TIAM1: variants seen among roughly 807,000 people sequenced by gnomAD.
TIAM1 encodes the protein rho guanine nucleotide exchange factor TIAM1.
Under a neutral mutation model 163.5 loss-of-function variants are expected in TIAM1, and 65 were observed. That is an observed-to-expected ratio of 0.40 (90% confidence interval 0.33 to 0.49). The LOEUF (loss-of-function observed/expected upper bound fraction) is 0.49, where lower values mean the gene tolerates loss of function less well. TIAM1 is among the 20% of genes least tolerant of loss of function. The probability of loss-of-function intolerance (pLI) is 0.77; values close to 1 mark genes in which losing one functional copy is unlikely to be tolerated. For synonymous variants in TIAM1, 833 were observed against 810.1 expected (o/e 1.03, Z -0.48); for missense variants, 1,789 against 2,044.7 (o/e 0.87, Z 2.41).
At chr21:31,275,261 C>CT (rs1034416693) in intron 3 of TIAM1, among the ~76,000 whole-genome samples, 9 of 151,814 alleles carry the variant, frequency 5.9e-5, no homozygotes, top group South Asian at 2.1e-4. Context: ...ACAATTATAC[C>CT]TTTTTTTGGT....
At chr21:31,175,995 C>A (rs1430127421) in intron 15 of TIAM1, among the ~76,000 whole-genome samples, 1 of 152,146 alleles carries the variant, frequency 6.6e-6, no homozygotes, top group Non-Finnish European at 1.5e-5. Flanking sequence ...GGTGATAGAG[C>A]TATACCTTTT....
intron 2 of TIAM1, among the ~76,000 whole-genome samples, chr21:31,390,380 C>T (rs748210692): frequency 3.3e-5 from 5 of 152,290 alleles, no homozygotes; most frequent in South Asian, 2.1e-4. Flanking sequence ...CCAGTATACA[C>T]GTTCACTTCA....
At chr21:31,518,534 G>A (rs1321250618) in intron 1 of TIAM1, among the ~76,000 whole-genome samples, 4 of 152,102 alleles carry the variant, frequency 2.6e-5, no homozygotes, top group Non-Finnish European at 4.4e-5. Context: ...TGATCCACCC[G>A]CCTCAGCCTC....
At chr21:31,348,739 T>G (rs1036276772), upstream of TIAM1, among the ~76,000 whole-genome samples, 24 of 152,348 alleles carry the variant, frequency 1.6e-4, no homozygotes, top group African/African-American at 5.1e-4. Context: ...AACACTTGTT[T>G]CAGCCCTGGA....
intron 1 of TIAM1, among the ~76,000 whole-genome samples, chr21:31,550,086 T>G (rs1409299740): frequency 6.6e-6 from 1 of 150,748 alleles, no homozygotes; most frequent in African/African-American, 2.4e-5. Context: ...ATCGTGCCTC[T>G]GCACTCCAGC....
chr21:31,291,778 C>T (rs1601845868), intron 2 of TIAM1, among the ~76,000 whole-genome samples: 1 of 152,348 alleles, frequency 6.6e-6, no homozygotes, highest in Non-Finnish European at 1.5e-5. Context: ...CCGCCTTGGC[C>T]TCCCAAAGTG....
intron 1 of TIAM1, among the ~76,000 whole-genome samples, chr21:31,497,999 T>G (rs2046722474): frequency 6.6e-6 from 1 of 152,218 alleles, no homozygotes; most frequent in Non-Finnish European, 1.5e-5. Context: ...GCTGGTTCTG[T>G]GACTGAATCA....
At chr21:31,125,413 G>T (rs2833284) in intron 26 of TIAM1, among the ~76,000 whole-genome samples, 15,903 of 152,110 alleles carry the variant, frequency 0.1, 1,100 homozygotes, top group Non-Finnish European at 0.16. Flanking sequence ...AGACGGTAAA[G>T]GTGGTGCTCA....
intron 1 of TIAM1, among the ~76,000 whole-genome samples, chr21:31,508,234 T>C (rs2047095994): frequency 6.6e-6 from 1 of 152,182 alleles, no homozygotes; most frequent in South Asian, 2.1e-4. Flanking sequence ...TTTGCATTGC[T>C]TGACGCTTCC....
intron 3 of TIAM1, among the ~76,000 whole-genome samples, chr21:31,273,177 G>A (rs537015110): frequency 2.6e-5 from 4 of 152,296 alleles, no homozygotes; most frequent in South Asian, 2.1e-4. Context: ...TTCTCACCCA[G>A]CCTTATACCA....
At chr21:31,407,629 ATT>A (rs562921160) in intron 2 of TIAM1, among the ~76,000 whole-genome samples, 6 of 94,078 alleles carry the variant, frequency 6.4e-5, no homozygotes, top group Non-Finnish European at 6.1e-5. Flanking sequence ...TTTGCTCTTA[ATT>A]TTTTTTTTTT....
rs138037972 is a variant in TIAM1, at chr21:31,412,253, G to A, written c.-369+51730C>T. 4.4e-3 allele frequency among the ~76,000 whole-genome samples: 664 copies of A among 152,288 alleles called. 4 individuals carry two copies. The highest frequency in any genetic ancestry group is 0.015 in the African/African-American group (631 of 41,568). Reference sequence around the variant, plus strand: ...TACTCATGGCTGTAGAGTGTGGAACGATAGACAACGAAGACTTGAAAGGAT... The same window carrying A: ...TACTCATGGCTGTAGAGTGTGGAACAATAGACAACGAAGACTTGAAAGGAT... On this transcript the variant is annotated intron_variant, in intron 2 of 28. Coordinates refer to the TIAM1 transcript ENST00000286827.
At position 31,130,248 on chromosome 21, in the gene TIAM1, G is replaced by A. The variant is rs372961799; in HGVS notation, c.4010C>T (p.Thr1337Met). 4.2e-5 allele frequency: 68 copies of A among 1,613,986 alleles called. No homozygotes were observed. The highest frequency in any genetic ancestry group is 3.1e-4 in the African/African-American group (23 of 74,898). Residue 1337 changes from threonine to methionine, a missense_variant, in exon 25 of 28, where the codon ACG becomes ATG. By Grantham distance (81) the Thr-to-Met change is moderately conservative. This residue lies in a region of TIAM1 where 415 missense variants were observed against 439.2 expected (regional missense o/e 0.94). Coordinates refer to ENST00000541036, the MANE Select transcript of TIAM1 (RefSeq NM_001353694.2). ...DPFRFRHMIP[T>M]EALQVRALAS... ...CAAAGCTCGAACCTGCAGCGCTTCC[G>A]TGGGGATCATGTGTCGAAATCTGAA...
chr21:31,456,481 G>A (rs1192228095), intron 2 of TIAM1, among the ~76,000 whole-genome samples: 14 of 152,224 alleles, frequency 9.2e-5, no homozygotes, highest in African/African-American at 2.9e-4. Context: ...ACTGGGAAAC[G>A]TCTGCTGCAT....
chr21:31,386,973 C>T (rs901663653), intron 2 of TIAM1, among the ~76,000 whole-genome samples: 2 of 152,092 alleles, frequency 1.3e-5, no homozygotes, highest in Non-Finnish European at 2.9e-5. Context: ...CATGGCCCCG[C>T]TGGGCTGGGC....
chr21:31,136,626 C>T (rs1007032845), intron 22 of TIAM1, among the ~76,000 whole-genome samples: 3 of 152,130 alleles, frequency 2.0e-5, no homozygotes, highest in Non-Finnish European at 2.9e-5. Context: ...TGCTTGTCTA[C>T]TAGAATTTCA....
At chr21:31,252,967 G>A (rs1034108900) in intron 4 of TIAM1, among the ~76,000 whole-genome samples, 1 of 152,214 alleles carries the variant, frequency 6.6e-6, no homozygotes, top group Non-Finnish European at 1.5e-5. Flanking sequence ...TGACAGCTCG[G>A]GGCAACTGCC....
chr21:31,290,646 C>CAAAAA (rs200030849), intron 2 of TIAM1, among the ~76,000 whole-genome samples: 10 of 63,202 alleles, frequency 1.6e-4, no homozygotes, highest in Admixed American at 3.3e-4. Context: ...GACTCTATCT[C>CAAAAA]AAAAAAAAAA....
At chr21:31,451,775 G>C (rs1055839879) in intron 2 of TIAM1, among the ~76,000 whole-genome samples, 1 of 151,370 alleles carries the variant, frequency 6.6e-6, no homozygotes, top group African/African-American at 2.4e-5. Context: ...CACAGAGAGA[G>C]AGAGAGAGAG....
Sources: gnomAD v4.1 joint callset for allele counts (sites outside exome capture counted in the v4.1 genomes callset) on GRCh38, gnomAD v4.1.1 for gene constraint, gnomAD v4.1.1 regional missense constraint, MANE v1.5 for transcripts, NCBI Gene and HGNC (gene_info 2026-07-23, HGNC 2026-07-21) for gene names.